The following AFF3 variants were observed in gnomAD, a reference collection of about 807,000 sequenced individuals.
The protein encoded by AFF3 is ALF transcription elongation factor 3.
In AFF3, 32 loss-of-function variants were observed where a neutral mutation model predicts 129.7. The ratio of observed to expected loss-of-function variants is 0.25; its 90% CI spans 0.19 to 0.33. The LOEUF is 0.33. Ranked by LOEUF, AFF3 falls within the 10% of genes least tolerant of loss-of-function variation. The pLI is 1.00. For missense variants in AFF3, 1,373 were observed against 1,592.0 expected (o/e 0.86, Z 2.34); for synonymous variants, 644 against 635.4 (o/e 1.01, Z -0.20).
intron 8 of AFF3, among the ~76,000 whole-genome samples, chr2:99,828,482 G>T (rs982078566): frequency 6.6e-6 from 1 of 152,164 alleles, no homozygotes; most frequent in Admixed American, 6.5e-5. Flanking sequence ...AGCAAGTCAG[G>T]AGCAGTGCAG....
chr2:99,774,576 T>C (rs1683744517), intron 8 of AFF3, among the ~76,000 whole-genome samples: 1 of 151,982 alleles, frequency 6.6e-6, no homozygotes, highest in South Asian at 2.1e-4. Context: ...CCTTACACCA[T>C]ATACAAAAAA....
At chr2:99,627,093 T>G (rs1418445214) in intron 13 of AFF3, among the ~76,000 whole-genome samples, 4 of 152,222 alleles carry the variant, frequency 2.6e-5, no homozygotes. Flanking sequence ...TGGGTATATA[T>G]CCAGTAATGG....
chr2:99,875,311 C>T (rs755336323), intron 7 of AFF3, among the ~76,000 whole-genome samples: 22 of 152,170 alleles, frequency 1.4e-4, no homozygotes, highest in African/African-American at 2.7e-4. Context: ...TCCTCCAGGG[C>T]TGCCTGTTAT....
intron 13 of AFF3, among the ~76,000 whole-genome samples, chr2:99,639,842 C>T (rs935395981): frequency 1.3e-4 from 19 of 151,812 alleles, no homozygotes; most frequent in African/African-American, 3.9e-4. Flanking sequence ...GGTGTGCCAC[C>T]GCACCCAGCT....
chr2:99,655,355 A>C, intron 12 of AFF3, among the ~76,000 whole-genome samples: 1 of 152,086 alleles, frequency 6.6e-6, no homozygotes, highest in Admixed American at 6.6e-5. Flanking sequence ...ATGAGTGTCA[A>C]GGAAGGCTTA....
chr2:99,995,458 C>T (rs1184830972), intron 7 of AFF3, among the ~76,000 whole-genome samples: 2 of 151,906 alleles, frequency 1.3e-5, no homozygotes, highest in Non-Finnish European at 2.9e-5. Context: ...CTGCAAGCTC[C>T]GCCTCCCGGG....
rs186944901 is a variant in AFF3 at position 99,961,117 on chromosome 2, C to T, written c.873+45515G>A. Among the ~76,000 whole-genome samples, 211 of 152,302 alleles carry T rather than the reference C, an allele frequency of 1.4e-3. 2 individuals carry two copies. Among genetic ancestry groups the T allele is most frequent in the African/African-American group, 4.7e-3 (196 of 41,558 alleles). ...TCATGTGTCAGCATTTTAAAAGCCA[C>T]TCATTGTCACAGAGTTCTTCCCATC... On this transcript the variant is annotated intron_variant, in intron 7 of 24. Coordinates refer to ENST00000672756, the MANE Select transcript of AFF3 (RefSeq NM_001386135.1).
intron 13 of AFF3, among the ~76,000 whole-genome samples, chr2:99,639,497 T>G (rs1247741767): frequency 6.6e-6 from 1 of 152,168 alleles, no homozygotes; most frequent in Non-Finnish European, 1.5e-5. Flanking sequence ...TTGGCACTTA[T>G]CTCTCTTCAC....
intron 8 of AFF3, among the ~76,000 whole-genome samples, chr2:99,819,326 T>C (rs1687471980): frequency 6.6e-6 from 1 of 152,246 alleles, no homozygotes. Context: ...TAGCCAAGAA[T>C]CTTTTAGCAA....
chr2:99,623,583 A>G (rs1433626219), intron 13 of AFF3, among the ~76,000 whole-genome samples: 5 of 152,184 alleles, frequency 3.3e-5, no homozygotes, highest in Non-Finnish European at 7.3e-5. Context: ...GGCCCAACCG[A>G]CACGGGAGAG....
chr2:99,783,329 C>T lies in AFF3; in HGVS notation c.922-31028G>A, dbSNP rs143856318. On this transcript the variant is annotated intron_variant, in intron 8 of 24. Coordinates refer to ENST00000672756, the MANE Select transcript of AFF3 (RefSeq NM_001386135.1). ...TGCACACCACCTCCTCTTCTAGAGC[C>T]TGCCTATCCCAAGGGGCTGACGCAC... is the stretch of plus-strand genomic sequence containing the variant. 8.2e-3 allele frequency among the ~76,000 whole-genome samples: 1,255 copies of T among 152,304 alleles called. 14 individuals carry two copies. The highest frequency in any genetic ancestry group is 0.029 in the African/African-American group (1,185 of 41,560).
chr2:99,950,406 AG>A (rs1676037835), intron 7 of AFF3, among the ~76,000 whole-genome samples: 1 of 152,182 alleles, frequency 6.6e-6, no homozygotes, highest in African/African-American at 2.4e-5. Flanking sequence ...GTTCTAGGAG[AG>A]GAAGAATAAA....
rs968532313 is a variant in AFF3 at position 99,546,667 on chromosome 2, C to A, written c.*4807G>T. ...AACTTACCCTCCCACATAGGGGATG[C>A]TTCATGTCAAGCCACTGGTCTAATG... On this transcript the variant is annotated 3_prime_UTR_variant, in exon 25 of 25. Coordinates refer to ENST00000672756, the MANE Select transcript of AFF3 (RefSeq NM_001386135.1). 4.3e-6 allele frequency: 1 copy of A among 230,486 alleles called. No homozygotes were observed. The highest frequency in any genetic ancestry group is 2.2e-5 in the African/African-American group (1 of 45,174). 14.3% of individuals were successfully genotyped at this position (230,486 alleles called of 1,614,324 possible).
chr2:99,972,050 C>T (rs1678440447), intron 7 of AFF3, among the ~76,000 whole-genome samples: 1 of 152,200 alleles, frequency 6.6e-6, no homozygotes, highest in Non-Finnish European at 1.5e-5. Context: ...ACAGAAATCT[C>T]CTTACCTAGG....
At chr2:100,014,781 TC>T (rs1682847784) in intron 4 of AFF3, among the ~76,000 whole-genome samples, 4 of 143,672 alleles carry the variant, frequency 2.8e-5, no homozygotes, top group Admixed American at 2.0e-4. Flanking sequence ...CCACCTTGCT[TC>T]CTTTTTTTTT....
chr2:99,550,690 T>A lies in AFF3; in HGVS notation c.*784A>T. ...CAACACACAGGCACTGCTACCTTAG[T>A]GTCTGTTAACTTTCAAAGACGCCGC... On this transcript the variant is annotated 3_prime_UTR_variant, in exon 25 of 25. Transcript: ENST00000672756. The A allele has an allele frequency of 4.3e-6, 1 of 232,840 alleles. No homozygotes were observed. The highest frequency in any genetic ancestry group is 8.5e-6 in the Non-Finnish European group (1 of 117,796). The allele number at this position is 232,840 out of a possible 1,614,324, so 14.4% of individuals were successfully genotyped here.
chr2:99,716,915 T>C (rs13402908), intron 11 of AFF3, among the ~76,000 whole-genome samples: 85,362 of 151,414 alleles, frequency 0.56, 24,387 homozygotes, highest in East Asian at 0.77. Context: ...TATCCCATCA[T>C]GGCAACTCCC....
chr2:100,017,811 T>A (rs1251622315), intron 4 of AFF3, among the ~76,000 whole-genome samples: 1 of 152,208 alleles, frequency 6.6e-6, no homozygotes, highest in African/African-American at 2.4e-5. Context: ...ATCACTTAGA[T>A]GTGAAGCCAG....
At chr2:99,972,903 T>C (rs1232769483) in intron 7 of AFF3, among the ~76,000 whole-genome samples, 1 of 152,164 alleles carries the variant, frequency 6.6e-6, no homozygotes, top group Non-Finnish European at 1.5e-5. Context: ...GTACGCTGCG[T>C]TGCTTTCTTT....
Sources: allele counts gnomAD v4.1 joint callset (sites outside exome capture counted in the v4.1 genomes callset), GRCh38; gene constraint gnomAD v4.1.1; transcripts MANE v1.5; gene names NCBI Gene and HGNC (gene_info 2026-07-23, HGNC 2026-07-21).